The following FOXN3 variants were observed in gnomAD, a reference collection of about 807,000 sequenced individuals.
The protein encoded by FOXN3 is forkhead box N3.
FOXN3 carries 7 observed loss-of-function variants against 38.4 expected under a neutral mutation model. The ratio of observed to expected loss-of-function variants is 0.18; its 90% confidence interval spans 0.10 to 0.34. The LOEUF is 0.34. Ranked by LOEUF, FOXN3 falls within the 10% of genes least tolerant of loss-of-function variation. FOXN3 has a pLI of 1.00. For missense variants in FOXN3, 456 were observed against 613.4 expected (o/e 0.74, Z 2.71); for synonymous variants, 230 against 242.2 (o/e 0.95, Z 0.47).
At chr14:89,507,290 C>G (rs888797614) in intron 1 of FOXN3, among the ~76,000 whole-genome samples, 4 of 152,126 alleles carry the variant, frequency 2.6e-5, no homozygotes, top group Non-Finnish European at 5.9e-5. Flanking sequence ...TCTGGAATTC[C>G]AAGGTGGTAA....
At chr14:89,517,640 C>T (rs924649064) in intron 1 of FOXN3, among the ~76,000 whole-genome samples, 2 of 152,192 alleles carry the variant, frequency 1.3e-5, no homozygotes, top group Non-Finnish European at 2.9e-5. Flanking sequence ...GGCCCCACCA[C>T]CAACACTGGG....
intron 1 of FOXN3, among the ~76,000 whole-genome samples, chr14:89,434,756 A>G (rs1316534781): frequency 1.3e-5 from 2 of 152,142 alleles, no homozygotes; most frequent in African/African-American, 4.8e-5. Flanking sequence ...ATGTCCTACT[A>G]CCACAAGGAC....
At position 89,287,728 on chromosome 14, in the gene FOXN3, G is replaced by A. The variant is rs140172318; in HGVS notation, c.681-6714C>T. 1.2e-3 allele frequency among the ~76,000 whole-genome samples: 165 copies of A among 137,784 alleles called. 1 individual carries two copies. The highest frequency in any genetic ancestry group is 4.4e-3 in the African/African-American group (157 of 36,010). 90.4% of individuals were successfully genotyped at this position (137,784 alleles called of 152,430 possible). A position where few individuals can be genotyped will look rare whatever the true frequency, so the allele number is the denominator to read the frequency against. ...ATATCCAAGAAGCAACTTCACAGAT[G>A]TCACTTACTCTAAAGAATGCTAAAA... is the stretch of plus-strand genomic sequence containing the variant. On this transcript the variant is annotated intron_variant, in intron 3 of 5. Coordinates refer to ENST00000557258, the MANE Select transcript of FOXN3 (RefSeq NM_005197.4).
intron 1 of FOXN3, among the ~76,000 whole-genome samples, chr14:89,536,461 T>C (rs1894689072): frequency 6.6e-6 from 1 of 152,168 alleles, no homozygotes; most frequent in Non-Finnish European, 1.5e-5. Flanking sequence ...GTCTGTCTTC[T>C]AGATGTGAAA....
chr14:89,551,057 T>C (rs1894996567), intron 1 of FOXN3, among the ~76,000 whole-genome samples: 1 of 152,212 alleles, frequency 6.6e-6, no homozygotes, highest in Admixed American at 6.5e-5. Context: ...AAACATCTTA[T>C]CAGCCTTTGA....
intron 4 of FOXN3, chr14:89,185,463 TC>T (rs1395884760): frequency 4.6e-5 from 7 of 152,282 alleles, no homozygotes; most frequent in Non-Finnish European, 1.0e-4. Flanking sequence ...CTCTTTCCCT[TC>T]CTTTTACTCT....
At position 89,222,105 on chromosome 14, in the gene FOXN3, C is replaced by T. The variant is rs539969360; in HGVS notation, c.746-41299G>A. Among the ~76,000 whole-genome samples, 8 of 152,202 alleles carry T rather than the reference C, an allele frequency of 5.3e-5. No individual in the cohort carries two copies. In the East Asian group the frequency reaches 1.5e-3, roughly 29 times the overall value. On this transcript the variant is annotated intron_variant, in intron 4 of 5. Coordinates refer to ENST00000557258, the MANE Select transcript of FOXN3 (RefSeq NM_005197.4). ...TGCTGGGATTACAGGCGTGAGCCAC[C>T]GCGCCCGGCCTACACAATCTTTTCT...
At chr14:89,461,494 A>G (rs1892847964) in intron 1 of FOXN3, among the ~76,000 whole-genome samples, 1 of 152,206 alleles carries the variant, frequency 6.6e-6, no homozygotes, top group Non-Finnish European at 1.5e-5. Flanking sequence ...CACACAAAGA[A>G]TATTTTCTTG....
At chr14:89,236,118 C>A (rs184127507) in intron 4 of FOXN3, among the ~76,000 whole-genome samples, 16 of 152,300 alleles carry the variant, frequency 1.1e-4, no homozygotes, top group Admixed American at 8.5e-4. Context: ...AGTCACTAGG[C>A]CCCTGGCTCT....
At chr14:89,207,936 A>C (rs922447969) in intron 4 of FOXN3, among the ~76,000 whole-genome samples, 1 of 151,994 alleles carries the variant, frequency 6.6e-6, no homozygotes. Context: ...CCTGGTGCTT[A>C]AACAGCGTGA....
chr14:89,576,327 C>T (rs1596322563), intron 1 of FOXN3: 1 of 152,166 alleles, frequency 6.6e-6, no homozygotes, highest in African/African-American at 2.4e-5. Flanking sequence ...GTGATTTCTC[C>T]TTTTAGGCTA....
chr14:89,310,109 T>C (rs1319107324), intron 3 of FOXN3, among the ~76,000 whole-genome samples: 1 of 152,246 alleles, frequency 6.6e-6, no homozygotes, highest in East Asian at 1.9e-4. Flanking sequence ...AGCACCCTAG[T>C]GCAGAGTGGG....
chr14:89,548,575 C>G lies in FOXN3; in HGVS notation c.-15+70453G>C, dbSNP rs913481106. Among the ~76,000 whole-genome samples, 8 of 152,178 alleles carry G rather than the reference C, an allele frequency of 5.3e-5. No individual in the cohort carries two copies. Among genetic ancestry groups the G allele is most frequent in the Non-Finnish European group, 1.0e-4 (7 of 68,036 alleles). On this transcript the variant is annotated intron_variant, in intron 1 of 6. Coordinates refer to the FOXN3 transcript ENST00000345097. This position sits in a 1 kb window ranked among gnomAD's most constrained non-coding sequence, Gnocchi z 4.8. The stretch of plus-strand genomic sequence containing the variant: ...CTAATTTATGTTTCAAAGGCATACA[C>G]TAACTAATCGTATGGGATAATGTAT...
intron 1 of FOXN3, among the ~76,000 whole-genome samples, chr14:89,444,888 A>G (rs28524957): frequency 0.022 from 3,381 of 152,246 alleles, 35 homozygotes; most frequent in Middle Eastern, 0.037. Flanking sequence ...TGGGAGGCCG[A>G]GGCAGCAGTA....
intron 4 of FOXN3, among the ~76,000 whole-genome samples, chr14:89,249,788 A>T (rs1486304752): frequency 6.6e-6 from 1 of 152,196 alleles, no homozygotes; most frequent in Admixed American, 6.5e-5. Flanking sequence ...ACTGCAGAGG[A>T]GGGACAGGCT....
At chr14:89,174,672 A>C (rs756243517) in intron 5 of FOXN3, among the ~76,000 whole-genome samples, 19 of 152,196 alleles carry the variant, frequency 1.2e-4, no homozygotes, top group Non-Finnish European at 2.5e-4. Context: ...CAAATTTCAC[A>C]GTTTGCTGGT....
chr14:89,339,378 G>C (rs1437519825), intron 3 of FOXN3, among the ~76,000 whole-genome samples: 1 of 152,286 alleles, frequency 6.6e-6, no homozygotes, highest in African/African-American at 2.4e-5. Flanking sequence ...GTGGCCCAGG[G>C]AGGCTCTAAC....
At chr14:89,427,291 G>C (rs1892057732) in intron 1 of FOXN3, among the ~76,000 whole-genome samples, 1 of 133,820 alleles carries the variant, frequency 7.5e-6, no homozygotes, top group Admixed American at 8.2e-5. Context: ...GAGGAGGAAG[G>C]AAAAGGGGAC....
chr14:89,225,075 G>A (rs1186282121), intron 4 of FOXN3, among the ~76,000 whole-genome samples: 1 of 149,654 alleles, frequency 6.7e-6, no homozygotes, highest in African/African-American at 2.5e-5. Flanking sequence ...GTTGCAGTGA[G>A]CCGAGATTGT....
Sources: gnomAD v4.1 joint callset for allele counts (sites outside exome capture counted in the v4.1 genomes callset) on GRCh38, gnomAD v4.1.1 for gene constraint, Gnocchi (gnomAD v3.1) non-coding constraint, MANE v1.5 for transcripts, NCBI Gene and HGNC (gene_info 2026-07-23, HGNC 2026-07-21) for gene names.